NET1: variants seen among roughly 807,000 people sequenced by gnomAD.
NET1 encodes the protein neuroepithelial cell transforming 1, also known as neuroepithelial cell-transforming gene 1 protein.
In NET1, 42 loss-of-function variants were observed where a neutral mutation model predicts 61.1. That is an observed-to-expected ratio of 0.69 (90% CI 0.54 to 0.89). The LOEUF (loss-of-function observed/expected upper bound fraction) is 0.89, where lower values mean the gene tolerates loss of function less well. NET1 is among the 40% of genes least tolerant of loss of function. The pLI is 0.00. For synonymous variants in NET1, 254 were observed against 281.8 expected (o/e 0.90, Z 0.99); for missense variants, 654 against 747.3 (o/e 0.88, Z 1.46).
intron 3 of NET1, among the ~76,000 whole-genome samples, chr10:5,436,240 ATATATATATTTTTTT>A: frequency 4.3e-5 from 1 of 23,334 alleles, no homozygotes; most frequent in Admixed American, 7.1e-4. Context: ...ATATATATAT[ATATATATATTTTTTT>A]TTTTTTTTTT....
At position 5,456,957 on chromosome 10, in the gene NET1, C is replaced by A; in HGVS notation, c.1754C>A (p.Ala585Asp). Residue 585 changes from alanine to aspartate, a missense_variant, in exon 12 of 12, where the codon GCC becomes GAC. Physicochemically the swap from Ala to Asp is moderately radical, Grantham distance 126 (BLOSUM62 -2). Coordinates refer to ENST00000355029, the MANE Select transcript of NET1 (RefSeq NM_001047160.3). The surrounding 1 kb of genome is among the most constrained non-coding windows in gnomAD (Gnocchi z 7.0). The part of the protein sequence containing the change: ...QPGIRRARDK[A>D]LSGGKRKETL... ...GGCATCCGAAGAGCGAGGGACAAAG[C>A]CCTTTCTGGTGGCAAACGGAAAGAG... The A allele has an allele frequency of 6.3e-7, 1 of 1,579,796 alleles. No homozygotes were observed. Among genetic ancestry groups the A allele is most frequent in the South Asian group, 1.2e-5 (1 of 86,662 alleles).
In NET1 at chr10:5,451,822, T is replaced by C. The variant is rs540766735; in HGVS notation, c.256-8T>C. 1 of 1,612,026 alleles carries C rather than the reference T, an allele frequency of 6.2e-7. No individual in the cohort carries two copies. Among genetic ancestry groups the C allele is most frequent in the African/African-American group, 1.3e-5 (1 of 75,020 alleles). Reference sequence around the variant, plus strand: ...ATATATTTAGTGTCATCTGGTTTGTTTTTATAGGAGCCAAGCAATAAAAGA... The same window carrying C: ...ATATATTTAGTGTCATCTGGTTTGTCTTTATAGGAGCCAAGCAATAAAAGA... On this transcript the variant is annotated splice_region_variant and splice_polypyrimidine_tract_variant and intron_variant, in intron 3 of 11. Transcript: ENST00000355029. The surrounding 1 kb of genome is among the most constrained non-coding windows in gnomAD (Gnocchi z 6.1).
Position 5,444,839 on chromosome 10 carries a change from T to A in NET1, c.256-6991T>A, listed in dbSNP as rs1832580365. ...CAGCAGAATATTTTCATTTGCATGT[T>A]CTTCCACCGCCTCACACTCAGTATA... On this transcript the variant is annotated intron_variant, in intron 3 of 11. Coordinates refer to ENST00000355029, the MANE Select transcript of NET1 (RefSeq NM_001047160.3). The surrounding 1 kb of genome is among the most constrained non-coding windows in gnomAD (Gnocchi z 5.3). Among the ~76,000 whole-genome samples the A allele has an allele frequency of 6.6e-6, 1 of 152,240 alleles. No homozygotes were observed. Among genetic ancestry groups the A allele is most frequent in the Non-Finnish European group, 1.5e-5 (1 of 68,050 alleles).
rs1030025004 is a variant in NET1, at chr10:5,421,151, C to G, written c.129-5504C>G. ...CAGACTTCCTAGGTTCAAATTCTGGCTCTTAAGGACCTTGGGCAAGTTACT... is the reference window on the plus strand; with the variant it reads ...CAGACTTCCTAGGTTCAAATTCTGGGTCTTAAGGACCTTGGGCAAGTTACT... On this transcript the variant is annotated intron_variant, in intron 1 of 11. Transcript: ENST00000355029. This position sits in a 1 kb window ranked among gnomAD's most constrained non-coding sequence, Gnocchi z 4.2. Among the ~76,000 whole-genome samples the G allele has an allele frequency of 8.7e-4, 133 of 152,150 alleles. 1 individual carries two copies. The highest frequency in any genetic ancestry group is 8.6e-3 in the Admixed American group (131 of 15,276).
At position 5,451,770 on chromosome 10, in the gene NET1, GT is replaced by G; in HGVS notation, c.256-57del. On this transcript the variant is annotated intron_variant, in intron 3 of 11. Coordinates refer to ENST00000355029, the MANE Select transcript of NET1 (RefSeq NM_001047160.3). The surrounding 1 kb of genome is among the most constrained non-coding windows in gnomAD (Gnocchi z 6.1). Reference sequence around the variant, plus strand: ...TGTGAGAGGGCTTTACTTTGTCCAAGTTTGTATGAAATCATTGCACCTAGAC... The same window carrying G: ...TGTGAGAGGGCTTTACTTTGTCCAAGTTGTATGAAATCATTGCACCTAGAC... The G allele has an allele frequency of 7.3e-7, 1 of 1,372,096 alleles. No individual in the cohort carries two copies. The highest frequency in any genetic ancestry group is 1.0e-6 in the Non-Finnish European group (1 of 978,276). The allele number at this position is 1,372,096 out of a possible 1,614,324, so 85.0% of individuals were successfully genotyped here.
rs1832727599 is a variant in NET1 at position 5,452,680 on chromosome 10, A to T, written c.531+155A>T. 4.3e-6 allele frequency: 4 copies of T among 922,768 alleles called. 1 individual carries two copies. In the African/African-American group the frequency reaches 5.0e-5, roughly 12 times the overall value. The allele number at this position is 922,768 out of a possible 1,614,324, so 57.2% of individuals were successfully genotyped here. A position where few individuals can be genotyped will look rare whatever the true frequency, so the allele number is the denominator to read the frequency against. ...GGTGGTCAAATTAAACAACTCTAAT[A>T]GGGTAAACTTACCAAACATACGGCA... is the stretch of plus-strand genomic sequence containing the variant. On this transcript the variant is annotated intron_variant, in intron 5 of 11. Transcript: ENST00000355029. The surrounding 1 kb of genome is among the most constrained non-coding windows in gnomAD (Gnocchi z 4.0).
rs1832527837 is a variant in NET1, at chr10:5,441,783, T to C, written c.256-10047T>C. Among the ~76,000 whole-genome samples the C allele has an allele frequency of 6.6e-6, 1 of 152,236 alleles. No individual in the cohort carries two copies. The highest frequency in any genetic ancestry group is 1.5e-5 in the Non-Finnish European group (1 of 68,046). On this transcript the variant is annotated intron_variant, in intron 3 of 11. Coordinates refer to ENST00000355029, the MANE Select transcript of NET1 (RefSeq NM_001047160.3). The surrounding 1 kb of genome is among the most constrained non-coding windows in gnomAD (Gnocchi z 4.6). ...ATAACTTCATTACTAATTTCTTTCG[T>C]ACTTATCCAGTTCAAATGTAACTCT...
In NET1 at chr10:5,424,265, T is replaced by A. The variant is rs1342786997; in HGVS notation, c.129-2390T>A. Among the ~76,000 whole-genome samples, 1 of 152,228 alleles carries A rather than the reference T, an allele frequency of 6.6e-6. No individual in the cohort carries two copies. Among genetic ancestry groups the A allele is most frequent in the Non-Finnish European group, 1.5e-5 (1 of 68,044 alleles). Reference sequence around the variant, plus strand: ...AACCTGAGACATCATAATTGTTTTTTCTTAAGCCAGTGCCCACTGATGGCT... The same window carrying A: ...AACCTGAGACATCATAATTGTTTTTACTTAAGCCAGTGCCCACTGATGGCT... On this transcript the variant is annotated intron_variant, in intron 1 of 11. Coordinates refer to ENST00000355029, the MANE Select transcript of NET1 (RefSeq NM_001047160.3). This position sits in a 1 kb window ranked among gnomAD's most constrained non-coding sequence, Gnocchi z 6.1.
At chr10:5,433,145 C>T (rs1832375258) in intron 3 of NET1, among the ~76,000 whole-genome samples, 2 of 152,172 alleles carry the variant, frequency 1.3e-5, no homozygotes, top group African/African-American at 4.8e-5. Context: ...TTAGCCATTA[C>T]GAGCTATACT....
chr10:5,442,171 AG>A (rs1166916351), intron 3 of NET1, among the ~76,000 whole-genome samples: 10 of 152,242 alleles, frequency 6.6e-5, no homozygotes, highest in African/African-American at 1.4e-4. Flanking sequence ...TTGTTTATGT[AG>A]TCATCTATGT....
At position 5,446,503 on chromosome 10, in the gene NET1, T is replaced by G. The variant is rs1468874087; in HGVS notation, c.256-5327T>G. On this transcript the variant is annotated intron_variant, in intron 3 of 11. Coordinates refer to ENST00000355029, the MANE Select transcript of NET1 (RefSeq NM_001047160.3). The surrounding 1 kb of genome is among the most constrained non-coding windows in gnomAD (Gnocchi z 5.0). ...GCTGAGAGGCCTAGGTGTGCCCAGC[T>G]CTCAGTTAACTGAAGTCACGTGGTG... 3 of 1,031,110 alleles carry G rather than the reference T, an allele frequency of 2.9e-6. No individual in the cohort carries two copies. Among genetic ancestry groups the G allele is most frequent in the Non-Finnish European group, 3.6e-6 (3 of 844,676 alleles). The allele number at this position is 1,031,110 out of a possible 1,614,324, so 63.9% of individuals were successfully genotyped here.
rs571744212 is a variant in NET1 at position 5,417,597 on chromosome 10, A to T, written c.128+4777A>T. Among the ~76,000 whole-genome samples, 1 of 152,270 alleles carries T rather than the reference A, an allele frequency of 6.6e-6. No individual in the cohort carries two copies. The highest frequency in any genetic ancestry group is 2.1e-4 in the South Asian group (1 of 4,824). ...GTGGTTTCTTTAGGACTTTCTGTGT[A>T]CAGGGTCATGTCATCAGCAAATAAA... On this transcript the variant is annotated intron_variant, in intron 1 of 11. Coordinates refer to ENST00000355029, the MANE Select transcript of NET1 (RefSeq NM_001047160.3). This position sits in a 1 kb window ranked among gnomAD's most constrained non-coding sequence, Gnocchi z 5.5.
chr10:5,438,200 G>T (rs12570228), intron 3 of NET1, among the ~76,000 whole-genome samples: 2 of 152,076 alleles, frequency 1.3e-5, no homozygotes, highest in Non-Finnish European at 2.9e-5. Context: ...GTAATAAAAA[G>T]AAAAGCAGTC....
intron 3 of NET1, among the ~76,000 whole-genome samples, chr10:5,430,391 T>C (rs1047466841): frequency 1.6e-4 from 25 of 151,950 alleles, no homozygotes; most frequent in African/African-American, 6.0e-4. Context: ...TTTTTTTTTT[T>C]TGAGGCGGAG....
chr10:5,421,980 T>C lies in NET1; in HGVS notation c.129-4675T>C, dbSNP rs1447659107. ...CATTTTGTCAACTCCATTTACCAGC[T>C]GTTGTACATTTGATTTGTTTCCAGT... is the stretch of plus-strand genomic sequence containing the variant. On this transcript the variant is annotated intron_variant, in intron 1 of 11. Coordinates refer to ENST00000355029, the MANE Select transcript of NET1 (RefSeq NM_001047160.3). The surrounding 1 kb of genome is among the most constrained non-coding windows in gnomAD (Gnocchi z 4.2). 6.6e-6 allele frequency among the ~76,000 whole-genome samples: 1 copy of C among 152,272 alleles called. No individual in the cohort carries two copies.
chr10:5,432,110 T>A (rs902968524), intron 3 of NET1, among the ~76,000 whole-genome samples: 9 of 152,276 alleles, frequency 5.9e-5, no homozygotes, highest in African/African-American at 2.2e-4. Context: ...AGGAGTCTGG[T>A]TGCTTTGGGA....
At chr10:5,425,459 G>C (rs1832245181) in intron 1 of NET1, among the ~76,000 whole-genome samples, 1 of 152,170 alleles carries the variant, frequency 6.6e-6, no homozygotes, top group African/African-American at 2.4e-5. Flanking sequence ...AGTCCAAGAA[G>C]CCAAATAACT....
chr10:5,422,303 C>T lies in NET1; in HGVS notation c.129-4352C>T, dbSNP rs1184000076. ...AGTGAGCCGAGATCGTACCACTGCA[C>T]TCCAGCCTGGGTGACAGAGCAAAAC... On this transcript the variant is annotated intron_variant, in intron 1 of 11. Transcript: ENST00000355029. This position sits in a 1 kb window ranked among gnomAD's most constrained non-coding sequence, Gnocchi z 4.1. 6.6e-6 allele frequency among the ~76,000 whole-genome samples: 1 copy of T among 151,872 alleles called. No homozygotes were observed. The highest frequency in any genetic ancestry group is 1.9e-4 in the East Asian group (1 of 5,188).
rs1832641193 is a variant in NET1 at position 5,447,836 on chromosome 10, G to A, written c.256-3994G>A. ...CTCAAAATGTGTAAGTATTTCCTTTGAGTAGAGCAGTCATCCACAGTCACT... is the reference window on the plus strand; with the variant it reads ...CTCAAAATGTGTAAGTATTTCCTTTAAGTAGAGCAGTCATCCACAGTCACT... On this transcript the variant is annotated intron_variant, in intron 3 of 11. Coordinates refer to ENST00000355029, the MANE Select transcript of NET1 (RefSeq NM_001047160.3). This position sits in a 1 kb window ranked among gnomAD's most constrained non-coding sequence, Gnocchi z 4.1. Among the ~76,000 whole-genome samples, 1 of 152,094 alleles carries A rather than the reference G, an allele frequency of 6.6e-6. No homozygotes were observed. The highest frequency in any genetic ancestry group is 2.1e-4 in the South Asian group (1 of 4,824).
Sources: allele counts gnomAD v4.1 joint callset (sites outside exome capture counted in the v4.1 genomes callset), GRCh38; gene constraint gnomAD v4.1.1; non-coding constraint Gnocchi (gnomAD v3.1); transcripts MANE v1.5; gene names NCBI Gene and HGNC (gene_info 2026-07-23, HGNC 2026-07-21).